The following DOT1L variants were observed in gnomAD, a reference collection of about 807,000 sequenced individuals.
The protein encoded by DOT1L is histone-lysine N-methyltransferase, H3 lysine-79 specific.
Under a neutral mutation model 153.3 loss-of-function variants are expected in DOT1L, and 33 were observed. The observed-to-expected ratio is 0.22, with a 90% CI of 0.16 to 0.29. The LOEUF is 0.29. Among genes scored for constraint, DOT1L ranks in the 10% least tolerant of loss-of-function variants. The probability of loss-of-function intolerance (pLI) is 1.00; values close to 1 mark genes in which losing one functional copy is unlikely to be tolerated. For missense variants in DOT1L, 1,847 were observed against 2,119.9 expected (o/e 0.87, Z 2.53); for synonymous variants, 1,135 against 965.1 (o/e 1.18, Z -3.26).
intron 16 of DOT1L, chr19:2,212,099 T>C (rs1209460580): frequency 6.8e-6 from 3 of 442,632 alleles, no homozygotes; most frequent in Non-Finnish European, 8.1e-6. Context: ...CCAGCACAGT[T>C]TGAACAAGCA....
Position 2,193,918 on chromosome 19 carries a change from G to A in DOT1L, c.588+135G>A. The A allele has an allele frequency of 2.2e-6, 2 of 900,764 alleles. No homozygotes were observed. The highest frequency in any genetic ancestry group is 2.5e-5 in the Admixed American group (1 of 39,448). The allele number at this position is 900,764 out of a possible 1,614,324, so 55.8% of individuals were successfully genotyped here. A position where few individuals can be genotyped will look rare whatever the true frequency, so the allele number is the denominator to read the frequency against. On this transcript the variant is annotated intron_variant, in intron 6 of 27. Coordinates refer to ENST00000398665, the MANE Select transcript of DOT1L (RefSeq NM_032482.3). The surrounding 1 kb of genome is among the most constrained non-coding windows in gnomAD (Gnocchi z 5.9). Reference sequence around the variant, plus strand: ...TTCTTTCCAGGCCCAAGACGTCTTGGTTGCCTGCAGCGTGTGCCTGTGAAT... The same window carrying A: ...TTCTTTCCAGGCCCAAGACGTCTTGATTGCCTGCAGCGTGTGCCTGTGAAT...
chr19:2,225,945 C>T (rs998459749), intron 26 of DOT1L, among the ~76,000 whole-genome samples: 7 of 152,206 alleles, frequency 4.6e-5, no homozygotes, highest in Admixed American at 3.3e-4. Flanking sequence ...CCTGTCCCAT[C>T]CAGTCCCGTC....
At chr19:2,225,263 C>T (rs2024279022) in intron 25 of DOT1L, 125 bp from the exon 26 acceptor site, 7 of 941,062 alleles carry the variant, frequency 7.4e-6, no homozygotes, top group Non-Finnish European at 1.0e-5. Context: ...CACGGGTCCC[C>T]TGTCTGGGCC....
At chr19:2,180,136 G>A (rs184467934) in intron 1 of DOT1L, among the ~76,000 whole-genome samples, 8 of 152,310 alleles carry the variant, frequency 5.3e-5, no homozygotes, top group African/African-American at 1.2e-4. Flanking sequence ...GGGCTATGGC[G>A]AGGCCGCCCA....
chr19:2,168,049 A>G (rs962754502), intron 1 of DOT1L, among the ~76,000 whole-genome samples: 1 of 152,174 alleles, frequency 6.6e-6, no homozygotes, highest in Non-Finnish European at 1.5e-5. Flanking sequence ...CTGCAGCAGC[A>G]CATTTATTCA....
At chr19:2,199,842 G>T in intron 7 of DOT1L, 42 bp from the exon 8 acceptor site, 1 of 1,604,246 alleles carries the variant, frequency 6.2e-7, no homozygotes. Flanking sequence ...GGGAGTGCCA[G>T]GGAGGCCGGG....
chr19:2,214,835 C>A, intron 19 of DOT1L: 1 of 495,546 alleles, frequency 2.0e-6, no homozygotes, highest in Non-Finnish European at 3.5e-6. Flanking sequence ...TGGCTGAATG[C>A]GCAGCGCTAA....
chr19:2,202,258 G>A (rs1423172248), intron 8 of DOT1L, among the ~76,000 whole-genome samples: 2 of 152,204 alleles, frequency 1.3e-5, no homozygotes, highest in African/African-American at 2.4e-5. Flanking sequence ...CCTCACCTGG[G>A]ACCCGTTGTC....
At chr19:2,209,016 A>C (rs1399874518) in intron 12 of DOT1L, 40 bp downstream of exon 12, 1 of 1,603,054 alleles carries the variant, frequency 6.2e-7, no homozygotes, top group African/African-American at 1.3e-5. Context: ...AATAACACGC[A>C]TGCACTGATG....
chr19:2,178,541 C>T (rs2022070016), intron 1 of DOT1L, among the ~76,000 whole-genome samples: 1 of 151,774 alleles, frequency 6.6e-6, no homozygotes, highest in African/African-American at 2.4e-5. Flanking sequence ...CCTCTGCCTC[C>T]CGAGTAGCTG....
Position 2,226,828 on chromosome 19 carries a change from G to A in DOT1L, c.4307G>A (p.Gly1436Glu), listed in dbSNP as rs779438428. Residue 1436 changes from glycine to glutamate, a missense_variant, in exon 27 of 28, where the codon GGA becomes GAA. Coordinates refer to ENST00000398665, the MANE Select transcript of DOT1L (RefSeq NM_032482.3). ...ATCTCTGCGGCGGCCGTGCCTCCCG[G>A]AAGCCTCCTCAGCGGCCCCGGCCTG... ...LFISAAAVPP[G>E]SLLSGPGLAP... 1 of 1,581,474 alleles carries A rather than the reference G, an allele frequency of 6.3e-7. No individual in the cohort carries two copies. The highest frequency in any genetic ancestry group is 1.8e-5 in the Admixed American group (1 of 55,810).
At chr19:2,164,330 C>G in intron 1 of DOT1L, 65 bp downstream of exon 1, 1 of 1,121,270 alleles carries the variant, frequency 8.9e-7, no homozygotes, top group Non-Finnish European at 1.1e-6. Context: ...CTGGGGACAC[C>G]CCAAACCCCC....
At chr19:2,199,787 G>C (rs1269571170) in intron 7 of DOT1L, 97 bp from the exon 8 acceptor site, 2 of 1,493,958 alleles carry the variant, frequency 1.3e-6, no homozygotes, top group East Asian at 4.7e-5. Flanking sequence ...ACTGCAAGCG[G>C]AGCTGTGTTC....
At chr19:2,173,155 C>G (rs575533914) in intron 1 of DOT1L, among the ~76,000 whole-genome samples, 12 of 152,222 alleles carry the variant, frequency 7.9e-5, no homozygotes, top group African/African-American at 1.9e-4. Flanking sequence ...GCGTTTTTCC[C>G]TGCATGGAGG....
chr19:2,228,758 C>T (rs2144955380), intron 27 of DOT1L: 1 of 985,424 alleles, frequency 1.0e-6, no homozygotes, highest in East Asian at 1.1e-4. Flanking sequence ...GCCCAGGTCA[C>T]TCATGACGGG....
rs757313197 is a variant in DOT1L at position 2,191,069 on chromosome 19, C to T, written c.322C>T (p.Arg108Cys). Residue 108 changes from arginine (R) to cysteine (C), a missense_variant, in exon 5 of 28, where the codon CGC becomes TGC. Physicochemically the swap from Arg to Cys is radical, Grantham distance 180 (BLOSUM62 -3). Around this residue, in one of 8 missense-constraint regions of DOT1L, gnomAD observed 148 missense variants for 422.3 expected, o/e 0.35. Coordinates refer to ENST00000398665, the MANE Select transcript of DOT1L (RefSeq NM_032482.3). This position sits in a 1 kb window ranked among gnomAD's most constrained non-coding sequence, Gnocchi z 6.8. ...LNTRPSTGLL[R>C]HILQQVYNHS... ...CACGCGGCCGTCCACTGGACTCCTG[C>T]GCCATATCCTGCAGCAGGTCTACAA... is the stretch of plus-strand genomic sequence containing the variant. 3 of 1,612,178 alleles carry T rather than the reference C, an allele frequency of 1.9e-6. No individual in the cohort carries two copies. Among genetic ancestry groups the T allele is most frequent in the African/African-American group, 1.3e-5 (1 of 74,990 alleles).
chr19:2,219,907 A>G (rs946192535), intron 22 of DOT1L, among the ~76,000 whole-genome samples: 3 of 152,024 alleles, frequency 2.0e-5, no homozygotes, highest in African/African-American at 7.2e-5. Context: ...ATTCACACGC[A>G]GGCACCGCGC....
chr19:2,216,896 C>G (rs1268137638), intron 20 of DOT1L, 59 bp from the exon 21 acceptor site: 2 of 1,570,504 alleles, frequency 1.3e-6, no homozygotes, highest in Admixed American at 3.5e-5. Flanking sequence ...CTGGGCCAGG[C>G]CGCTGCCTCT....
intron 7 of DOT1L, among the ~76,000 whole-genome samples, chr19:2,198,242 C>T (rs983190233): frequency 3.0e-4 from 45 of 152,204 alleles, no homozygotes; most frequent in Non-Finnish European, 4.4e-5. Context: ...GTGGCTTGTT[C>T]ACGGGGAATG....
Sources: gnomAD v4.1 joint callset for allele counts (sites outside exome capture counted in the v4.1 genomes callset) on GRCh38, gnomAD v4.1.1 for gene constraint, gnomAD v4.1.1 regional missense constraint, Gnocchi (gnomAD v3.1) non-coding constraint, MANE v1.5 for transcripts, NCBI Gene and HGNC (gene_info 2026-07-23, HGNC 2026-07-21) for gene names.